The following LY86 variants were observed in gnomAD, a reference collection of about 807,000 sequenced individuals.
LY86 encodes lymphocyte antigen 86.
A neutral mutation model predicts 17.3 loss-of-function variants in LY86; 20 were observed. That is an observed-to-expected ratio of 1.15 (90% CI 0.81 to 1.68). The LOEUF is 1.68. Among genes scored for constraint, LY86 ranks in the 40% most tolerant of loss-of-function variants. The pLI is 0.00. For missense variants in LY86, 200 were observed against 191.9 expected (o/e 1.04, Z -0.25); for synonymous variants, 74 against 70.6 (o/e 1.05, Z -0.24).
chr6:6,592,384 C>A (rs1469536486), intron 1 of LY86, among the ~76,000 whole-genome samples: 2 of 152,200 alleles, frequency 1.3e-5, no homozygotes, highest in Non-Finnish European at 2.9e-5. Context: ...AGCCCAGAGA[C>A]TCCACTCCAT....
rs181698940 is a variant in LY86, at chr6:6,639,337, A to G, written c.353-10288A>G. On this transcript the variant is annotated intron_variant, in intron 3 of 4. Transcript: ENST00000230568. ...TGAGCACAAATACAAACAAGCCACA[A>G]GCCTTGTCCCTTCTCAGGCTCATCA... Among the ~76,000 whole-genome samples the G allele has an allele frequency of 4.0e-5, 6 of 151,886 alleles. No individual in the cohort carries two copies. The East Asian group carries it at 1.2e-3, about 29-fold the overall frequency.
chr6:6,651,174 A>G (rs937305390), intron 4 of LY86, among the ~76,000 whole-genome samples: 2 of 152,230 alleles, frequency 1.3e-5, no homozygotes, highest in African/African-American at 2.4e-5. Flanking sequence ...TAGTGCTGCA[A>G]TAAGCATGGG....
intron 1 of LY86, among the ~76,000 whole-genome samples, chr6:6,598,848 T>C (rs1447547940): frequency 6.6e-6 from 1 of 152,252 alleles, no homozygotes; most frequent in African/African-American, 2.4e-5. Context: ...TTTGTCTGCA[T>C]GGTCAAGGTT....
At chr6:6,646,769 C>G (rs1346756195) in intron 3 of LY86, among the ~76,000 whole-genome samples, 1 of 152,162 alleles carries the variant, frequency 6.6e-6, no homozygotes, top group African/African-American at 2.4e-5. Flanking sequence ...ATGTCTAACC[C>G]AACAGCCTTC....
intron 3 of LY86, among the ~76,000 whole-genome samples, chr6:6,631,009 ATAT>A (rs1009392689): frequency 1.3e-5 from 2 of 152,082 alleles, no homozygotes; most frequent in Non-Finnish European, 2.9e-5. Flanking sequence ...TAAGATATTA[ATAT>A]TATATTAAAA....
In LY86 at chr6:6,654,671, A is replaced by C; in HGVS notation, c.*44A>C. On this transcript the variant is annotated 3_prime_UTR_variant, in exon 5 of 5. Coordinates refer to ENST00000230568, the MANE Select transcript of LY86 (RefSeq NM_004271.4). ...ATCACAGCCAGCTGCATCTCGTGGGACCTCCAAGCTCCTCTGACTGAACCT... is the reference window on the plus strand; with the variant it reads ...ATCACAGCCAGCTGCATCTCGTGGGCCCTCCAAGCTCCTCTGACTGAACCT... 1 of 1,527,104 alleles carries C rather than the reference A, an allele frequency of 6.5e-7. No individual in the cohort carries two copies. The allele number at this position is 1,527,104 out of a possible 1,614,324, so 94.6% of individuals were successfully genotyped here.
chr6:6,619,178 A>C (rs1761619652), intron 1 of LY86, among the ~76,000 whole-genome samples: 1 of 152,244 alleles, frequency 6.6e-6, no homozygotes, highest in South Asian at 2.1e-4. Context: ...ATCCATGCCC[A>C]ACTAGATCTG....
chr6:6,641,451 C>T (rs1236952397), intron 3 of LY86, among the ~76,000 whole-genome samples: 1 of 152,164 alleles, frequency 6.6e-6, no homozygotes, highest in African/African-American at 2.4e-5. Flanking sequence ...CCTCGCATAC[C>T]CTCTTCCTCC....
rs978619603 is a variant in LY86 at position 6,654,843 on chromosome 6, G to T, written c.*216G>T. The stretch of plus-strand genomic sequence containing the variant: ...GTCCCCGAATGTATCTGTTTCTAAG[G>T]AGCCTCTTGGCAGTCCTTAAGCAGT... On this transcript the variant is annotated 3_prime_UTR_variant, in exon 5 of 5. Coordinates refer to ENST00000230568, the MANE Select transcript of LY86 (RefSeq NM_004271.4). 20 of 549,352 alleles carry T rather than the reference G, an allele frequency of 3.6e-5. No individual in the cohort carries two copies. The highest frequency in any genetic ancestry group is 3.6e-4 in the African/African-American group (19 of 52,670). The allele number at this position is 549,352 out of a possible 1,614,324, so 34.0% of individuals were successfully genotyped here.
rs544925686 is a variant in LY86, at chr6:6,611,272, C to T, written c.137-13654C>T. Among the ~76,000 whole-genome samples the T allele has an allele frequency of 4.8e-3, 728 of 152,260 alleles. 2 individuals carry two copies. The highest frequency in any genetic ancestry group is 7.1e-3 in the Non-Finnish European group (484 of 68,020). On this transcript the variant is annotated intron_variant, in intron 1 of 4. Coordinates refer to ENST00000230568, the MANE Select transcript of LY86 (RefSeq NM_004271.4). ...TTTTTTGTATATATTATTCTCTGTG[C>T]CTGAGTTGGTAGAAAAGAGCCTACA...
intron 1 of LY86, among the ~76,000 whole-genome samples, chr6:6,603,612 A>AG (rs1760990045): frequency 1.6e-5 from 2 of 124,694 alleles, no homozygotes; most frequent in Non-Finnish European, 3.5e-5. Flanking sequence ...ACAGAAAAAA[A>AG]AACAAACAAA....
chr6:6,614,472 G>T (rs1221949220), intron 1 of LY86, among the ~76,000 whole-genome samples: 1 of 151,424 alleles, frequency 6.6e-6, no homozygotes, highest in African/African-American at 2.4e-5. Flanking sequence ...CCTGCAGGCA[G>T]CCCAGGACTC....
chr6:6,644,230 G>A (rs9502485), intron 3 of LY86, among the ~76,000 whole-genome samples: 45,411 of 152,076 alleles, frequency 0.3, 7,142 homozygotes, highest in Middle Eastern at 0.4. Context: ...AGGCAGACCA[G>A]GACACAGGAC....
rs145251592 is a variant in LY86 at position 6,594,735 on chromosome 6, C to T, written c.136+5865C>T. On this transcript the variant is annotated intron_variant, in intron 1 of 4. Transcript: ENST00000230568. ...AGAGAATCATCATTGTCATAATAAC[C>T]TCTCCCTTCTGCATGCCACTTTAAA... 2.6e-3 allele frequency among the ~76,000 whole-genome samples: 396 copies of T among 152,282 alleles called. 1 individual carries two copies. The highest frequency in any genetic ancestry group is 9.1e-3 in the African/African-American group (380 of 41,554).
At chr6:6,611,868 A>T (rs948361836) in intron 1 of LY86, among the ~76,000 whole-genome samples, 1 of 151,846 alleles carries the variant, frequency 6.6e-6, no homozygotes, top group African/African-American at 2.4e-5. Context: ...CTCTCCTTCC[A>T]TTTTTTCTGC....
intron 3 of LY86, among the ~76,000 whole-genome samples, chr6:6,638,731 G>T (rs570678228): frequency 6.6e-6 from 1 of 151,532 alleles, no homozygotes; most frequent in African/African-American, 2.4e-5. Flanking sequence ...ATATGTATAC[G>T]TGTGCCATGC....
At chr6:6,612,572 G>C (rs140623548) in intron 1 of LY86, among the ~76,000 whole-genome samples, 13 of 151,388 alleles carry the variant, frequency 8.6e-5, no homozygotes, top group African/African-American at 3.2e-4. Context: ...CACTAGTGGA[G>C]CCTGCAGCCT....
intron 1 of LY86, among the ~76,000 whole-genome samples, chr6:6,613,356 G>A (rs1184654478): frequency 2.0e-5 from 3 of 152,214 alleles, no homozygotes; most frequent in East Asian, 3.9e-4. Flanking sequence ...GGCTTGGCCT[G>A]CTCATAAGCT....
chr6:6,613,666 G>A (rs954613387), intron 1 of LY86, among the ~76,000 whole-genome samples: 9 of 152,224 alleles, frequency 5.9e-5, no homozygotes, highest in Non-Finnish European at 1.0e-4. Flanking sequence ...AGCCGGCTCC[G>A]GCCTTGGCCA....
Sources: gnomAD v4.1 joint callset for allele counts (sites outside exome capture counted in the v4.1 genomes callset) on GRCh38, gnomAD v4.1.1 for gene constraint, MANE v1.5 for transcripts, NCBI Gene and HGNC (gene_info 2026-07-23, HGNC 2026-07-21) for gene names.